Variants in ESR1 observed in about 807,000 individuals in gnomAD.
The protein encoded by ESR1 is estrogen receptor.
ESR1 carries 12 observed loss-of-function variants against 52.7 expected under a neutral mutation model. The ratio of observed to expected loss-of-function variants is 0.23; its 90% CI spans 0.15 to 0.37. The LOEUF is 0.37. Ranked by LOEUF, ESR1 falls within the 10% of genes least tolerant of loss-of-function variation. The pLI, the probability that ESR1 is intolerant of heterozygous loss-of-function variation, is 1.00. For synonymous variants in ESR1, 305 were observed against 316.8 expected, an observed-to-expected ratio of 0.96 and a Z score of 0.39; for missense variants, 584 against 779.7, an observed-to-expected ratio of 0.75 and a Z score of 2.99.
intron 2 of ESR1, among the ~76,000 whole-genome samples, chr6:151,860,848 C>T (rs1788743740): frequency 6.6e-6 from 1 of 152,182 alleles, no homozygotes; most frequent in Non-Finnish European, 1.5e-5. Flanking sequence ...AAGAAGAGAT[C>T]AGAACATTTA....
intron 3 of ESR1, among the ~76,000 whole-genome samples, chr6:151,936,761 C>T (rs996069980): frequency 6.6e-6 from 1 of 152,156 alleles, no homozygotes; most frequent in Non-Finnish European, 1.5e-5. Context: ...TTGGGGTGAG[C>T]CTTCTGATTG....
At chr6:152,058,159 A>G (rs948469012) in intron 5 of ESR1, among the ~76,000 whole-genome samples, 17 of 152,160 alleles carry the variant, frequency 1.1e-4, no homozygotes, top group African/African-American at 4.1e-4. Context: ...TCATCCTCCA[A>G]ACATTTTCCC....
chr6:151,888,519 C>T (rs1432016286), intron 3 of ESR1, among the ~76,000 whole-genome samples: 1 of 151,954 alleles, frequency 6.6e-6, no homozygotes, highest in Non-Finnish European at 1.5e-5. Flanking sequence ...TTGATTTTCT[C>T]TTCTGAAACT....
At chr6:151,729,425 T>C (rs1583042075) in intron 2 of ESR1, among the ~76,000 whole-genome samples, 1 of 152,312 alleles carries the variant, frequency 6.6e-6, no homozygotes, top group East Asian at 1.9e-4. Context: ...GTGAGTTCTA[T>C]TCACCATGGA....
At chr6:152,104,050 G>A (rs9341087), downstream of ESR1, among the ~76,000 whole-genome samples, 1,738 of 115,286 alleles carry the variant, frequency 0.015, 14 homozygotes, top group Admixed American at 0.027. Context: ...TTCTTGACTT[G>A]TAAAGAGAGA....
chr6:151,687,687 T>C (rs965629642), upstream of ESR1, among the ~76,000 whole-genome samples: 6 of 152,206 alleles, frequency 3.9e-5, no homozygotes, highest in African/African-American at 1.4e-4. Flanking sequence ...AGGCTGTTAG[T>C]GGTTTCTTCT....
At chr6:151,985,508 A>AAAAAAAAAAAAAAC (rs1491504259) in intron 4 of ESR1, among the ~76,000 whole-genome samples, 1 of 11,666 alleles carries the variant, frequency 8.6e-5, no homozygotes, top group African/African-American at 1.5e-4. Context: ...ACTCTGTCTC[A>AAAAAAAAAAAAAAC]AAAAAAAAAA....
intron 2 of ESR1, among the ~76,000 whole-genome samples, chr6:151,729,786 A>T (rs1782104115): frequency 1.3e-5 from 2 of 152,098 alleles, no homozygotes; most frequent in Non-Finnish European, 2.9e-5. Context: ...GGCTCTTTCT[A>T]GTCAGGAGGA....
intron 4 of ESR1, among the ~76,000 whole-genome samples, chr6:151,994,269 T>C (rs552026586): frequency 6.6e-6 from 1 of 152,184 alleles, no homozygotes; most frequent in African/African-American, 2.4e-5. Flanking sequence ...GACTGCACTA[T>C]ACAACTCTGA....
chr6:151,957,757 C>G (rs925913784), intron 4 of ESR1, among the ~76,000 whole-genome samples: 1 of 152,156 alleles, frequency 6.6e-6, no homozygotes, highest in Non-Finnish European at 1.5e-5. Flanking sequence ...TCAGATGTGA[C>G]TGTTTTAGGA....
At chr6:151,800,328 T>C (rs1173467506), upstream of ESR1, among the ~76,000 whole-genome samples, 1 of 152,030 alleles carries the variant, frequency 6.6e-6, no homozygotes, top group Non-Finnish European at 1.5e-5. Context: ...AGGGCCATTG[T>C]AATAGGACTA....
intron 2 of ESR1, among the ~76,000 whole-genome samples, chr6:151,783,796 C>T (rs988084963): frequency 1.7e-4 from 26 of 152,222 alleles, no homozygotes; most frequent in Admixed American, 5.9e-4. Flanking sequence ...GTTTTCTATT[C>T]CAGTATCCCA....
intron 6 of ESR1, among the ~76,000 whole-genome samples, chr6:152,078,421 G>A (rs35650978): frequency 0.21 from 32,072 of 152,044 alleles, 4,782 homozygotes; most frequent in African/African-American, 0.41. Flanking sequence ...TCTCTTTGCA[G>A]TGGGTTAGAT....
intron 2 of ESR1, among the ~76,000 whole-genome samples, chr6:151,773,705 A>G (rs1336482020): frequency 6.6e-6 from 1 of 152,194 alleles, no homozygotes; most frequent in East Asian, 1.9e-4. Flanking sequence ...GAATCCTGAC[A>G]TCTTCTCTTT....
intron 5 of ESR1, among the ~76,000 whole-genome samples, chr6:152,054,227 G>A (rs9383962): frequency 0.23 from 34,636 of 151,764 alleles, 5,900 homozygotes; most frequent in African/African-American, 0.47. Flanking sequence ...TTCCCTTAAA[G>A]ATGAAATTCA....
intron 1 of ESR1, among the ~76,000 whole-genome samples, chr6:151,810,610 G>A (rs1778667461): frequency 6.6e-6 from 1 of 152,196 alleles, no homozygotes; most frequent in African/African-American, 2.4e-5. Context: ...TCATGACCCA[G>A]AGGGTCATGA....
At chr6:151,801,032 G>A (rs1026929910), upstream of ESR1, among the ~76,000 whole-genome samples, 1 of 143,936 alleles carries the variant, frequency 6.9e-6, no homozygotes, top group Non-Finnish European at 1.5e-5. Context: ...AATTGGGGAT[G>A]GTTCTTGGTT....
intron 2 of ESR1, among the ~76,000 whole-genome samples, chr6:151,755,179 C>T (rs1784186368): frequency 6.7e-6 from 1 of 149,878 alleles, no homozygotes; most frequent in East Asian, 2.0e-4. Context: ...CACTACATTC[C>T]AGCCTGGGTG....
intron 2 of ESR1, among the ~76,000 whole-genome samples, chr6:151,863,720 C>T (rs1034254826): frequency 3.3e-5 from 5 of 152,064 alleles, no homozygotes; most frequent in Non-Finnish European, 7.4e-5. Context: ...GAGATATAGA[C>T]CAATGGAACA....
Sources: gnomAD v4.1 joint callset for allele counts (sites outside exome capture counted in the v4.1 genomes callset) on GRCh38, gnomAD v4.1.1 for gene constraint, MANE v1.5 for transcripts, NCBI Gene and HGNC (gene_info 2026-07-23, HGNC 2026-07-21) for gene names.